Variants in E2F7 observed in about 807,000 individuals in gnomAD.
The protein encoded by E2F7 is transcription factor E2F7.
A neutral mutation model predicts 81.1 loss-of-function variants in E2F7; 35 were observed. That is an observed-to-expected ratio of 0.43 (90% CI 0.33 to 0.57). E2F7 has a LOEUF of 0.57. Among genes scored for constraint, E2F7 ranks in the 20% least tolerant of loss-of-function variants. E2F7 has a pLI of 0.04. For missense variants in E2F7, 961 were observed against 1,093.7 expected (o/e 0.88, Z 1.71); for synonymous variants, 416 against 416.2 (o/e 1.00, Z 0.01).
At chr12:77,051,614 T>A (rs938985284) in intron 3 of E2F7, among the ~76,000 whole-genome samples, 1 of 152,140 alleles carries the variant, frequency 6.6e-6, no homozygotes, top group East Asian at 1.9e-4. Context: ...TGTGCACATG[T>A]ACCCTAGAAC....
At position 77,023,919 on chromosome 12, in the gene E2F7, A is replaced by T; in HGVS notation, c.*96T>A. ...AGAAGTGTGGATGAAAGAGAGAGGAAGGACCCGTGCTCAGGACGGGATGGT... is the reference window on the plus strand; with the variant it reads ...AGAAGTGTGGATGAAAGAGAGAGGATGGACCCGTGCTCAGGACGGGATGGT... On this transcript the variant is annotated 3_prime_UTR_variant, in exon 13 of 13. Transcript: ENST00000322886. 7.1e-7 allele frequency: 1 copy of T among 1,407,384 alleles called. No homozygotes were observed. 87.2% of individuals were successfully genotyped at this position (1,407,384 alleles called of 1,614,324 possible).
chr12:77,025,665 G>A lies in E2F7; in HGVS notation c.2458C>T (p.Pro820Ser). ...ATCACTGGACTTAGGTTTAGTGAGG[G>A]CTGACTCTGAAGCTGAGGGTCTGCA... ...PSADPQLQSQ[P>S]SLNLSPVMSR... Residue 820 changes from proline (P) to serine (S), a missense_variant, in exon 12 of 13, where the codon CCC (proline) becomes TCC (serine). By Grantham distance (74) the Pro-to-Ser change is moderately conservative. Transcript: ENST00000322886. 6.2e-7 allele frequency: 1 copy of A among 1,614,194 alleles called. No homozygotes were observed.
chr12:77,054,080 G>A (rs1014973548), intron 3 of E2F7, among the ~76,000 whole-genome samples: 2 of 152,094 alleles, frequency 1.3e-5, no homozygotes, highest in Admixed American at 6.6e-5. Context: ...CTTGAGGGTA[G>A]AGGGTGAGAG....
intron 6 of E2F7, among the ~76,000 whole-genome samples, chr12:77,043,463 C>A (rs937501532): frequency 1.3e-5 from 2 of 151,940 alleles, no homozygotes; most frequent in Non-Finnish European, 1.5e-5. Flanking sequence ...AAACAGGGAG[C>A]ACTGTGATTG....
At chr12:77,034,224 C>CTT (rs144053051) in intron 7 of E2F7, among the ~76,000 whole-genome samples, 182 bp from the exon 8 acceptor site, 2 of 149,330 alleles carry the variant, frequency 1.3e-5, no homozygotes, top group Non-Finnish European at 1.5e-5. Context: ...TTTCAATGTA[C>CTT]TTTTTTTTTT....
chr12:77,025,690 A>C lies in E2F7; in HGVS notation c.2433T>G (p.Ser811=). The change falls in exon 12 of 13, where the codon TCT becomes TCG. Residue 811 remains serine, a synonymous_variant. Coordinates refer to ENST00000322886, the MANE Select transcript of E2F7 (RefSeq NM_203394.3). ...VVNPKSSTLP[S]ADPQLQSQPS... Reference sequence around the variant, plus strand: ...GCTGACTCTGAAGCTGAGGGTCTGCAGAAGGGAGTGTGGACGACTTTGGAT... The same window carrying C: ...GCTGACTCTGAAGCTGAGGGTCTGCCGAAGGGAGTGTGGACGACTTTGGAT... 2.5e-6 allele frequency: 4 copies of C among 1,614,216 alleles called. No homozygotes were observed. Among genetic ancestry groups the C allele is most frequent in the Non-Finnish European group, 3.4e-6 (4 of 1,180,048 alleles).
intron 2 of E2F7, among the ~76,000 whole-genome samples, chr12:77,062,572 C>T (rs748172454): frequency 6.6e-6 from 1 of 150,864 alleles, no homozygotes. Context: ...CACTGCTTTC[C>T]CAATCTCTTT....
At chr12:77,040,844 T>C (rs925275476) in intron 7 of E2F7, among the ~76,000 whole-genome samples, 1 of 152,218 alleles carries the variant, frequency 6.6e-6, no homozygotes, top group African/African-American at 2.4e-5. Context: ...ATATCAATGA[T>C]GCCTTGATAA....
chr12:77,050,585 C>G lies in E2F7; in HGVS notation c.529G>C (p.Val177Leu), dbSNP rs1182706141. ...ATCTGATGATACATACCAAGACTGA[C>G]AGCAACTTCATCTAGGGAGATGGTA... ...KTTISLDEVA[V>L]SLGVERRRIY... is the part of the protein sequence containing the mutation. The change falls in exon 4 of 13, where the codon GTC becomes CTC. Residue 177 changes from valine to leucine, a missense_variant. Physicochemically the swap from Val to Leu is conservative, Grantham distance 32. This residue lies in a region of E2F7 where 301 missense variants were observed against 405.0 expected (regional missense o/e 0.74). Coordinates refer to ENST00000322886, the MANE Select transcript of E2F7 (RefSeq NM_203394.3). 6.2e-7 allele frequency: 1 copy of G among 1,613,968 alleles called. No homozygotes were observed. The highest frequency in any genetic ancestry group is 8.5e-7 in the Non-Finnish European group (1 of 1,179,876).
At chr12:77,033,376 G>A (rs113226635) in intron 8 of E2F7, among the ~76,000 whole-genome samples, 10,625 of 152,158 alleles carry the variant, frequency 0.07, 454 homozygotes, top group Admixed American at 0.11. Context: ...GCCAGGCATG[G>A]TGATGCACGC....
chr12:77,035,050 C>T (rs1284039301), intron 7 of E2F7, among the ~76,000 whole-genome samples: 2 of 152,190 alleles, frequency 1.3e-5, no homozygotes, highest in South Asian at 2.1e-4. Context: ...GCTCTCAACA[C>T]ATTTGGACAT....
Position 77,033,052 on chromosome 12 carries a change from T to G in E2F7, c.1380A>C (p.Ser460=), listed in dbSNP as rs1433225395. Reference sequence around the variant, plus strand: ...CTGAGCTTTTATAGACTACTTACTGTGAATTGTCTTCTATTTTCTGTCTAT... The same window carrying G: ...CTGAGCTTTTATAGACTACTTACTGGGAATTGTCTTCTATTTTCTGTCTAT... ...AVYRQKIEDN[S]QGKAFASKRV... is the part of the protein sequence containing the mutation. Residue 460 remains serine (S), a splice_region_variant and synonymous_variant, in exon 9 of 13, where the codon TCA becomes TCC. Coordinates refer to ENST00000322886, the MANE Select transcript of E2F7 (RefSeq NM_203394.3). 6.2e-7 allele frequency: 1 copy of G among 1,612,924 alleles called. No individual in the cohort carries two copies. The highest frequency in any genetic ancestry group is 1.3e-5 in the African/African-American group (1 of 74,904).
chr12:77,034,179 G>A, intron 7 of E2F7, 137 bp from the exon 8 acceptor site: 1 of 656,660 alleles, frequency 1.5e-6, no homozygotes, highest in Non-Finnish European at 2.3e-6. Context: ...GACAATCAAA[G>A]GAATTTTATG....
At chr12:77,042,360 C>A (rs140268897) in intron 7 of E2F7, among the ~76,000 whole-genome samples, 2,204 of 152,244 alleles carry the variant, frequency 0.014, 32 homozygotes, top group South Asian at 0.039. Flanking sequence ...TTAAGTGGCT[C>A]ACATTTACAC....
At chr12:77,045,843 A>C (rs1313085132) in intron 5 of E2F7, 195 bp downstream of exon 5, 1 of 640,700 alleles carries the variant, frequency 1.6e-6, no homozygotes, top group African/African-American at 1.8e-5. Flanking sequence ...GCCATGAGCC[A>C]GGTTTATTTC....
chr12:77,033,978 C>A lies in E2F7; in HGVS notation c.1188G>T (p.Gln396His), dbSNP rs773679713. 3 of 1,614,202 alleles carry A rather than the reference C, an allele frequency of 1.9e-6. No homozygotes were observed. The highest frequency in any genetic ancestry group is 2.5e-6 in the Non-Finnish European group (3 of 1,180,022). Residue 396 changes from glutamine to histidine, a missense_variant, in exon 8 of 13, where the codon CAG becomes CAT. Around this residue, in one of 3 missense-constraint regions of E2F7, gnomAD observed 587 missense variants for 620.3 expected, o/e 0.95. Coordinates refer to ENST00000322886, the MANE Select transcript of E2F7 (RefSeq NM_203394.3). ...GCTTCTGTTTTGCACAGACTTGAATCTGGCCATATGTTTCTCTTTTCAATT... is the reference window on the plus strand; with the variant it reads ...GCTTCTGTTTTGCACAGACTTGAATATGGCCATATGTTTCTCTTTTCAATT... ...LPELKRETYGQIQVCAKQKLA... is the reference protein window; with the variant it reads ...LPELKRETYGHIQVCAKQKLA...
intron 7 of E2F7, among the ~76,000 whole-genome samples, chr12:77,037,880 TA>T (rs926593536): frequency 5.3e-5 from 8 of 152,022 alleles, no homozygotes; most frequent in Non-Finnish European, 1.2e-4. Context: ...AGATTAGATT[TA>T]AAAAAATTCA....
At chr12:77,029,724 G>C in intron 10 of E2F7, 107 bp downstream of exon 10, 1 of 1,505,788 alleles carries the variant, frequency 6.6e-7, no homozygotes, top group African/African-American at 1.4e-5. Context: ...ACATGAAACA[G>C]CTCCATATTC....
At chr12:77,043,286 C>A in intron 6 of E2F7, 87 bp from the exon 7 acceptor site, 2 of 1,564,124 alleles carry the variant, frequency 1.3e-6, no homozygotes, top group Non-Finnish European at 1.7e-6. Flanking sequence ...TTCTCGGCTG[C>A]CATATAAACC....
Sources: gnomAD v4.1 joint callset for allele counts (sites outside exome capture counted in the v4.1 genomes callset) on GRCh38, gnomAD v4.1.1 for gene constraint, gnomAD v4.1.1 regional missense constraint, MANE v1.5 for transcripts, NCBI Gene and HGNC (gene_info 2026-07-23, HGNC 2026-07-21) for gene names.